Variants in CYP3A7 observed in about 807,000 individuals in gnomAD.
CYP3A7 encodes cytochrome P450 family 3 subfamily A member 7.
CYP3A7 carries 45 observed loss-of-function variants against 55.2 expected under a neutral mutation model. The ratio of observed to expected loss-of-function variants is 0.82; its 90% CI spans 0.64 to 1.05. CYP3A7 has a LOEUF of 1.05. Ranked by LOEUF, CYP3A7 falls within the 50% of genes least tolerant of loss-of-function variation. The probability of loss-of-function intolerance (pLI) is 0.00; values close to 1 mark genes in which losing one functional copy is unlikely to be tolerated. For synonymous variants in CYP3A7, 180 were observed against 207.4 expected (o/e 0.87, Z 1.13); for missense variants, 548 against 605.3 (o/e 0.91, Z 0.99).
chr7:99,712,409 A>G (rs1225403254), intron 9 of CYP3A7, among the ~76,000 whole-genome samples: 1 of 152,232 alleles, frequency 6.6e-6, no homozygotes, highest in Non-Finnish European at 1.5e-5. Flanking sequence ...GGTAGCCACT[A>G]TTGACATGTG....
At chr7:99,710,422 A>G (rs1208879953) in intron 10 of CYP3A7, among the ~76,000 whole-genome samples, 2 of 152,208 alleles carry the variant, frequency 1.3e-5, no homozygotes, top group Non-Finnish European at 2.9e-5. Context: ...AGAGCTCACT[A>G]TCAAGACGTG....
At position 99,734,009 on chromosome 7, in the gene CYP3A7, C is replaced by G. The variant is rs1814731205; in HGVS notation, c.71+1014G>C. On this transcript the variant is annotated intron_variant, in intron 1 of 12. Transcript: ENST00000336374. ...GTTATCTTATACACATTTATTGTCA[C>G]AAATACTGAACTAATAGCCCTCTTT... 6.6e-5 allele frequency among the ~76,000 whole-genome samples: 10 copies of G among 152,284 alleles called. No individual in the cohort carries two copies. In the South Asian group the frequency reaches 2.1e-3, roughly 32 times the overall value.
At chr7:99,721,182 C>A (rs573027793) in intron 3 of CYP3A7, among the ~76,000 whole-genome samples, 4 of 152,250 alleles carry the variant, frequency 2.6e-5, no homozygotes, top group African/African-American at 9.6e-5. Flanking sequence ...GAATATTCAG[C>A]ATCTCTTCAA....
intron 11 of CYP3A7, 149 bp downstream of exon 11, chr7:99,708,886 G>A: frequency 2.1e-6 from 2 of 943,672 alleles, no homozygotes; most frequent in Non-Finnish European, 3.2e-6. Context: ...TGTAAAGTGT[G>A]ACAATGATCA....
At chr7:99,710,930 C>G in intron 9 of CYP3A7, 38 bp from the exon 10 acceptor site, 1 of 1,612,932 alleles carries the variant, frequency 6.2e-7, no homozygotes, top group Non-Finnish European at 8.5e-7. Flanking sequence ...TAAATCAGGT[C>G]AATGTAGGGC....
intron 2 of CYP3A7, among the ~76,000 whole-genome samples, chr7:99,730,159 G>A (rs1482512186): frequency 6.6e-6 from 1 of 152,162 alleles, no homozygotes; most frequent in Non-Finnish European, 1.5e-5. Flanking sequence ...CATCAGATAA[G>A]GTTAGGCACA....
At position 99,720,417 on chromosome 7, in the gene CYP3A7, G is replaced by A. The variant is rs1404137532; in HGVS notation, c.219-5C>T. The A allele has an allele frequency of 2.5e-6, 4 of 1,613,416 alleles. No homozygotes were observed. Among genetic ancestry groups the A allele is most frequent in the Non-Finnish European group, 3.4e-6 (4 of 1,179,504 alleles). On this transcript the variant is annotated splice_polypyrimidine_tract_variant and splice_region_variant and intron_variant, in intron 3 of 12. Coordinates refer to ENST00000336374, the MANE Select transcript of CYP3A7 (RefSeq NM_000765.5). ...GGCTGTTGACAGTCATAAATACTGT[G>A]TGGAGAAAACAGAGTTGATTAAACA...
chr7:99,731,858 G>A (rs2151536404), intron 1 of CYP3A7, among the ~76,000 whole-genome samples: 1 of 152,174 alleles, frequency 6.6e-6, no homozygotes, highest in Admixed American at 6.5e-5. Context: ...GTGGTCAGAG[G>A]ATCTGATTGA....
At chr7:99,711,492 G>A (rs1262212894) in intron 9 of CYP3A7, among the ~76,000 whole-genome samples, 5 of 152,148 alleles carry the variant, frequency 3.3e-5, no homozygotes, top group Non-Finnish European at 7.4e-5. Context: ...GCAAAGGCTG[G>A]GCATGGTGGC....
chr7:99,720,520 G>T, intron 3 of CYP3A7, 108 bp from the exon 4 acceptor site: 1 of 1,197,108 alleles, frequency 8.4e-7, no homozygotes, highest in Non-Finnish European at 1.2e-6. Flanking sequence ...TCCTCTAGAT[G>T]TACAATACAC....
rs567700405 is a variant in CYP3A7, at chr7:99,723,718, C to T, written c.166-1370G>A. Among the ~76,000 whole-genome samples, 8 of 152,272 alleles carry T rather than the reference C, an allele frequency of 5.3e-5. No individual in the cohort carries two copies. The South Asian group carries it at 1.2e-3, about 24-fold the overall frequency. On this transcript the variant is annotated intron_variant, in intron 2 of 12. Coordinates refer to ENST00000336374, the MANE Select transcript of CYP3A7 (RefSeq NM_000765.5). ...TCTCACCAATTTTAAATCGGGTAAG[C>T]GGCCTCTTTTTATTCTCTTCTCCAA... is the stretch of plus-strand genomic sequence containing the variant.
rs1327362628 is a variant in CYP3A7, at chr7:99,714,798, C to T, written c.671-116G>A. ...GAGTGAAATACATCAGTGTTCTCAA[C>T]TGGAAGCCATTCCTTCTATGACTTT... On this transcript the variant is annotated intron_variant, in intron 7 of 12. Coordinates refer to ENST00000336374, the MANE Select transcript of CYP3A7 (RefSeq NM_000765.5). 2.0e-6 allele frequency: 3 copies of T among 1,513,226 alleles called. No individual in the cohort carries two copies. In the African/African-American group the frequency reaches 4.2e-5, roughly 21 times the overall value. 93.7% of individuals were successfully genotyped at this position (1,513,226 alleles called of 1,614,324 possible).
At chr7:99,730,854 G>T in intron 2 of CYP3A7, 1 of 593,946 alleles carries the variant, frequency 1.7e-6, no homozygotes, top group Non-Finnish European at 2.9e-6. Context: ...CATTTGGGCT[G>T]TCCAACTGAG....
intron 1 of CYP3A7, among the ~76,000 whole-genome samples, chr7:99,731,456 G>A (rs906622627): frequency 6.6e-6 from 1 of 152,164 alleles, no homozygotes; most frequent in African/African-American, 2.4e-5. Flanking sequence ...GTTCAGGAAC[G>A]AATTCTTCCA....
At chr7:99,730,049 C>T (rs1814557862) in intron 2 of CYP3A7, among the ~76,000 whole-genome samples, 2 of 152,116 alleles carry the variant, frequency 1.3e-5, no homozygotes, top group Non-Finnish European at 1.5e-5. Context: ...CTCAGGTATG[C>T]AGGTCAGATT....
intron 12 of CYP3A7, among the ~76,000 whole-genome samples, chr7:99,707,371 T>G (rs182162769): frequency 9.8e-4 from 149 of 152,316 alleles, no homozygotes; most frequent in Middle Eastern, 3.4e-3. Context: ...GCATCATGAA[T>G]TTTTAAAGCT....
At chr7:99,731,255 T>A in intron 1 of CYP3A7, 103 bp from the exon 2 acceptor site, 1 of 1,329,450 alleles carries the variant, frequency 7.5e-7, no homozygotes, top group Non-Finnish European at 1.1e-6. Flanking sequence ...GCAAAGGAGG[T>A]AACATTAAGG....
chr7:99,731,818 C>T (rs1460698499), intron 1 of CYP3A7, among the ~76,000 whole-genome samples: 4 of 152,044 alleles, frequency 2.6e-5, no homozygotes, highest in African/African-American at 9.7e-5. Flanking sequence ...CGTAGAAGTG[C>T]GAGCACCTTT....
intron 11 of CYP3A7, 95 bp downstream of exon 11, chr7:99,708,940 A>G: frequency 1.5e-6 from 2 of 1,375,780 alleles, no homozygotes; most frequent in East Asian, 2.3e-5. Context: ...AAAGACAAGC[A>G]AACGATTGTA....
Sources: allele counts gnomAD v4.1 joint callset (sites outside exome capture counted in the v4.1 genomes callset), GRCh38; gene constraint gnomAD v4.1.1; transcripts MANE v1.5; gene names NCBI Gene and HGNC (gene_info 2026-07-23, HGNC 2026-07-21).